MGAT4C: variants seen among roughly 807,000 people sequenced by gnomAD.
MGAT4C encodes the protein alpha-1,3-mannosyl-glycoprotein 4-beta-N-acetylglucosaminyltransferase C.
Under a neutral mutation model 40.1 loss-of-function variants are expected in MGAT4C, and 19 were observed. The ratio of observed to expected loss-of-function variants is 0.47; its 90% CI spans 0.33 to 0.70. The LOEUF (loss-of-function observed/expected upper bound fraction) is 0.70. MGAT4C is among the 30% of genes least tolerant of loss of function. The probability of loss-of-function intolerance (pLI) is 0.02; values close to 1 mark genes in which losing one functional copy is unlikely to be tolerated. For missense variants in MGAT4C, 491 were observed against 563.2 expected (o/e 0.87, Z 1.30); for synonymous variants, 181 against 187.1 (o/e 0.97, Z 0.27).
rs377410551 is a variant in MGAT4C, at chr12:86,501,081, C to A, written c.-228-65816G>T. 7.2e-5 allele frequency among the ~76,000 whole-genome samples: 11 copies of A among 152,124 alleles called. No homozygotes were observed. The East Asian group carries it at 1.5e-3, about 21-fold the overall frequency. ...CCAGATTTATGAGCAAGCTTCCACA[C>A]AGAAAGAAGATGGTCTCCTTAATAA... On this transcript the variant is annotated intron_variant, in intron 2 of 7. Coordinates refer to the MGAT4C transcript ENST00000548651.
intron 1 of MGAT4C, among the ~76,000 whole-genome samples, chr12:86,739,995 A>C (rs1951044318): frequency 1.3e-5 from 2 of 150,952 alleles, no homozygotes; most frequent in Admixed American, 6.6e-5. Context: ...AAGCTTCTCC[A>C]AGGATGCTGA....
At chr12:86,684,408 C>T (rs1360075397) in intron 2 of MGAT4C, among the ~76,000 whole-genome samples, 2 of 152,218 alleles carry the variant, frequency 1.3e-5, no homozygotes, top group African/African-American at 4.8e-5. Context: ...ATATGTGCCA[C>T]ATTTTCTTTA....
At chr12:86,247,192 C>T (rs545757768) in intron 1 of MGAT4C, among the ~76,000 whole-genome samples, 82 of 152,294 alleles carry the variant, frequency 5.4e-4, no homozygotes, top group African/African-American at 1.9e-3. Flanking sequence ...GGGTTACACA[C>T]ATATTAGTGG....
chr12:86,144,052 T>G (rs984404463), intron 1 of MGAT4C, among the ~76,000 whole-genome samples: 1 of 152,180 alleles, frequency 6.6e-6, no homozygotes, highest in Non-Finnish European at 1.5e-5. Flanking sequence ...TGCGCACAAG[T>G]ACGTGGTTTG....
rs536300410 is a variant in MGAT4C at position 86,765,581 on chromosome 12, G to C, written c.-261-38340C>G. Among the ~76,000 whole-genome samples, 743 of 152,188 alleles carry C rather than the reference G, an allele frequency of 4.9e-3. 9 individuals carry two copies. Among genetic ancestry groups the C allele is most frequent in the Middle Eastern group, 0.017 (5 of 294 alleles). ...CATAATTGTCAGATTCACCAAAGTT[G>C]AAATGAAGGAAAAAATGTAAAGGGC... On this transcript the variant is annotated intron_variant, in intron 1 of 7. Coordinates refer to the MGAT4C transcript ENST00000548651.
intron 1 of MGAT4C, among the ~76,000 whole-genome samples, chr12:86,234,169 C>T (rs1180799441): frequency 6.6e-6 from 1 of 152,028 alleles, no homozygotes; most frequent in Admixed American, 6.6e-5. Flanking sequence ...TTGTAAAAAA[C>T]ATGTATGTGT....
At chr12:86,251,296 C>T (rs12298208) in intron 1 of MGAT4C, among the ~76,000 whole-genome samples, 1 of 151,864 alleles carries the variant, frequency 6.6e-6, no homozygotes, top group Non-Finnish European at 1.5e-5. Flanking sequence ...TACCTGAGAA[C>T]TTAGAGACAC....
At chr12:86,208,089 C>G (rs569387014) in intron 1 of MGAT4C, among the ~76,000 whole-genome samples, 2 of 152,284 alleles carry the variant, frequency 1.3e-5, no homozygotes, top group East Asian at 1.9e-4. Flanking sequence ...TCTCTGACCT[C>G]CCTGTCATCC....
intron 1 of MGAT4C, among the ~76,000 whole-genome samples, chr12:86,163,208 T>G (rs984591658): frequency 6.6e-6 from 1 of 151,900 alleles, no homozygotes; most frequent in African/African-American, 2.4e-5. Flanking sequence ...CCTCCCCCCC[T>G]TTTTTTTCTT....
At chr12:86,484,312 C>T (rs538161033) in intron 2 of MGAT4C, among the ~76,000 whole-genome samples, 119 of 152,332 alleles carry the variant, frequency 7.8e-4, no homozygotes, top group African/African-American at 2.6e-3. Flanking sequence ...AGCTGGCCAC[C>T]AGGCCAAGAG....
chr12:86,044,173 C>T (rs1892161087), intron 2 of MGAT4C, among the ~76,000 whole-genome samples: 1 of 152,198 alleles, frequency 6.6e-6, no homozygotes, highest in Non-Finnish European at 1.5e-5. Context: ...GAGCTGTGTG[C>T]TCTAACTTTG....
At chr12:86,093,929 T>C (rs1873396110) in intron 1 of MGAT4C, among the ~76,000 whole-genome samples, 1 of 152,238 alleles carries the variant, frequency 6.6e-6, no homozygotes, top group South Asian at 2.1e-4. Flanking sequence ...CTATAAATTT[T>C]ACATTTCTTG....
intron 2 of MGAT4C, among the ~76,000 whole-genome samples, chr12:86,553,458 C>A (rs372527252): frequency 2.7e-5 from 1 of 37,202 alleles, no homozygotes; most frequent in Admixed American, 2.9e-4. Flanking sequence ...CTTTTAAAGC[C>A]CATAACTAAG....
At position 86,034,568 on chromosome 12, in the gene MGAT4C, TG is replaced by T. The variant is rs1325230811; in HGVS notation, c.-7+15105del. Among the ~76,000 whole-genome samples the T allele has an allele frequency of 3.2e-5, 4 of 123,830 alleles. 1 individual carries two copies. Among genetic ancestry groups the T allele is most frequent in the Admixed American group, 1.6e-4 (2 of 12,488 alleles). 81.2% of individuals were successfully genotyped at this position (123,830 alleles called of 152,430 possible). A position where few individuals can be genotyped will look rare whatever the true frequency, so the allele number is the denominator to read the frequency against. ...ATAGTAGTCTCTGAGGGTTTTTTGT[TG>T]TTGTTTTTTTTAAATTTTTTTTTAT... is the stretch of plus-strand genomic sequence containing the variant. On this transcript the variant is annotated intron_variant, in intron 2 of 4. Coordinates refer to ENST00000611864, the MANE Select transcript of MGAT4C (RefSeq NM_001351288.2).
intron 1 of MGAT4C, among the ~76,000 whole-genome samples, chr12:86,244,443 T>C (rs1951929937): frequency 6.6e-6 from 1 of 152,212 alleles, no homozygotes; most frequent in Admixed American, 6.5e-5. Context: ...TAAGTTCTAA[T>C]AGAGCTCCCC....
At chr12:86,068,817 A>C (rs1489985632) in intron 1 of MGAT4C, among the ~76,000 whole-genome samples, 1 of 152,080 alleles carries the variant, frequency 6.6e-6, no homozygotes, top group African/African-American at 2.4e-5. Context: ...TACCTGTAGC[A>C]GTACAGTCTA....
intron 2 of MGAT4C, among the ~76,000 whole-genome samples, chr12:86,619,573 T>C (rs748340298): frequency 2.0e-5 from 3 of 152,174 alleles, no homozygotes; most frequent in Non-Finnish European, 2.9e-5. Flanking sequence ...CCTTATACTG[T>C]CCTTCAAATA....
intron 1 of MGAT4C, among the ~76,000 whole-genome samples, chr12:86,159,541 A>G (rs535065806): frequency 1.4e-4 from 21 of 151,806 alleles, no homozygotes; most frequent in Non-Finnish European, 3.1e-4. Context: ...GCCTTCATAG[A>G]AAGGATTAGA....
At chr12:86,494,649 CT>C (rs1284619704) in intron 2 of MGAT4C, among the ~76,000 whole-genome samples, 2 of 151,186 alleles carry the variant, frequency 1.3e-5, no homozygotes, top group Non-Finnish European at 3.0e-5. Flanking sequence ...TTAAAATCTT[CT>C]ACAGGAAGAA....
Sources: allele counts gnomAD v4.1 joint callset (sites outside exome capture counted in the v4.1 genomes callset), GRCh38; gene constraint gnomAD v4.1.1; transcripts MANE v1.5; gene names NCBI Gene and HGNC (gene_info 2026-07-23, HGNC 2026-07-21).